ZNF83: variants seen among roughly 807,000 people sequenced by gnomAD.
The protein encoded by ZNF83 is zinc finger protein 816B.
For synonymous variants in ZNF83, 209 were observed against 213.0 expected (o/e 0.98, Z 0.17); for missense variants, 552 against 629.9 (o/e 0.88, Z 1.32).
rs551711670 is a variant in ZNF83, at chr19:52,687,616, G to A, written c.-283+2827C>T. Among the ~76,000 whole-genome samples, 81 of 15,806 alleles carry A rather than the reference G, an allele frequency of 5.1e-3. 19 individuals are homozygous for A. The highest frequency in any genetic ancestry group is 0.035 in the African/African-American group (76 of 2,184). The allele number at this position is 15,806 out of a possible 152,430, so 10.4% of individuals were successfully genotyped here. A position where few individuals can be genotyped will look rare whatever the true frequency, so the allele number is the denominator to read the frequency against. The stretch of plus-strand genomic sequence containing the variant: ...TATATAATGTATATATATATAATGT[G>A]TATATATATATATAATGTATATATA... On this transcript the variant is annotated intron_variant, in intron 1 of 5. Coordinates refer to the ZNF83 transcript ENST00000594682.
intron 1 of ZNF83, among the ~76,000 whole-genome samples, chr19:52,675,395 G>T (rs2061785317): frequency 6.6e-6 from 1 of 152,190 alleles, no homozygotes; most frequent in East Asian, 1.9e-4. Flanking sequence ...AGAACAGAAA[G>T]AAATATATCA....
chr19:52,654,675 T>C (rs1201986593), intron 3 of ZNF83, among the ~76,000 whole-genome samples: 1 of 152,032 alleles, frequency 6.6e-6, no homozygotes, highest in East Asian at 1.9e-4. Flanking sequence ...AGAGATCACA[T>C]CATTGCACTC....
intron 2 of ZNF83, among the ~76,000 whole-genome samples, chr19:52,621,453 T>G (rs2060541311): frequency 7.5e-6 from 1 of 133,394 alleles, no homozygotes; most frequent in African/African-American, 2.7e-5. Flanking sequence ...CTTCCCTTGG[T>G]GTTTAATCAC....
exon 3 of ZNF83, chr19:52,614,353 T>C (rs1414385514): frequency 6.2e-6 from 10 of 1,612,692 alleles, no homozygotes; most frequent in Middle Eastern, 1.6e-4. Flanking sequence ...ATTACATTCA[T>C]ATGTATGAGA....
At chr19:52,637,806 T>C (rs2061200832) in intron 1 of ZNF83, among the ~76,000 whole-genome samples, 1 of 151,382 alleles carries the variant, frequency 6.6e-6, no homozygotes, top group African/African-American at 2.4e-5. Flanking sequence ...GGGGAAGAGG[T>C]GACTGTGGAG....
rs138168869 is a variant in ZNF83 at position 52,673,955 on chromosome 19, G to A, written c.-282-13112C>T. ...TGGTTGAAGCTGAGAGGTGGAGGCCGCAGTGAGTCGAGATCATGCCACTGC... is the reference window on the plus strand; with the variant it reads ...TGGTTGAAGCTGAGAGGTGGAGGCCACAGTGAGTCGAGATCATGCCACTGC... On this transcript the variant is annotated intron_variant, in intron 1 of 5. Transcript: ENST00000594682. Among the ~76,000 whole-genome samples, 565 of 141,780 alleles carry A rather than the reference G, an allele frequency of 4.0e-3. 1 individual carries two copies. Among genetic ancestry groups the A allele is most frequent in the African/African-American group, 0.013 (504 of 37,806 alleles). 93.0% of individuals were successfully genotyped at this position (141,780 alleles called of 152,430 possible).
intron 2 of ZNF83, among the ~76,000 whole-genome samples, chr19:52,657,204 C>T (rs2061518098): frequency 6.6e-6 from 1 of 152,108 alleles, no homozygotes; most frequent in African/African-American, 2.4e-5. Flanking sequence ...ATGAGAAGGT[C>T]AGCCAACATA....
Position 52,676,115 on chromosome 19 carries a change from C to T in ZNF83, c.-283+14328G>A, listed in dbSNP as rs1029759602. Reference sequence around the variant, plus strand: ...CCTGCCTCAGCCTGCTGAGTGCCTGCAATTGCAGGCGCGCGCCGCCACGCC... The same window carrying T: ...CCTGCCTCAGCCTGCTGAGTGCCTGTAATTGCAGGCGCGCGCCGCCACGCC... On this transcript the variant is annotated intron_variant, in intron 1 of 5. Coordinates refer to the ZNF83 transcript ENST00000594682. Among the ~76,000 whole-genome samples, 10 of 152,288 alleles carry T rather than the reference C, an allele frequency of 6.6e-5. No individual in the cohort carries two copies. The East Asian group carries it at 1.4e-3, about 21-fold the overall frequency.
chr19:52,638,631 A>C (rs2147213233), upstream of ZNF83, among the ~76,000 whole-genome samples: 1 of 152,376 alleles, frequency 6.6e-6, no homozygotes, highest in African/African-American at 2.4e-5. Context: ...TAGAATGTGA[A>C]ATGCAAAGCC....
intron 2 of ZNF83, among the ~76,000 whole-genome samples, chr19:52,618,310 A>T (rs1243990251): frequency 6.6e-6 from 1 of 151,142 alleles, no homozygotes; most frequent in African/African-American, 2.4e-5. Context: ...CCCAGGCTAG[A>T]GTGCAGTGGC....
rs1232838726 is a variant in ZNF83, at chr19:52,655,663, C to T, written c.-176G>A. ...CACTCCTCCAAAGAGAATTCTATAG[C>T]CACATCCCTGAAAGTCAAGCATCCC... is the stretch of plus-strand genomic sequence containing the variant. On this transcript the variant is annotated 5_prime_UTR_variant, in exon 3 of 6. Transcript: ENST00000594682. 4 of 1,302,772 alleles carry T rather than the reference C, an allele frequency of 3.1e-6. No individual in the cohort carries two copies. In the South Asian group the frequency reaches 4.8e-5, roughly 16 times the overall value. 80.7% of individuals were successfully genotyped at this position (1,302,772 alleles called of 1,614,324 possible). A position where few individuals can be genotyped will look rare whatever the true frequency, so the allele number is the denominator to read the frequency against.
At chr19:52,659,275 C>T (rs796534612) in intron 2 of ZNF83, among the ~76,000 whole-genome samples, 3 of 152,078 alleles carry the variant, frequency 2.0e-5, no homozygotes, top group South Asian at 2.1e-4. Context: ...ACGCGACCCC[C>T]GAAAACAAAG....
chr19:52,642,667 C>CTTTG (rs2061323732), upstream of ZNF83, among the ~76,000 whole-genome samples: 1 of 152,110 alleles, frequency 6.6e-6, no homozygotes, highest in Non-Finnish European at 1.5e-5. Context: ...AGACATAAGG[C>CTTTG]TTTGACACAC....
intron 3 of ZNF83, among the ~76,000 whole-genome samples, chr19:52,644,670 T>C (rs988119954): frequency 7.2e-5 from 11 of 151,910 alleles, no homozygotes; most frequent in Non-Finnish European, 1.5e-4. Context: ...TTGAAAACAG[T>C]GAAAGAAGGT....
intron 2 of ZNF83, among the ~76,000 whole-genome samples, chr19:52,615,902 G>A (rs1434206001): frequency 2.6e-5 from 4 of 152,104 alleles, no homozygotes; most frequent in African/African-American, 7.2e-5. Flanking sequence ...GCAATGGCAC[G>A]ACCTCGGCTC....
At chr19:52,686,308 G>A (rs1435139384) in intron 1 of ZNF83, among the ~76,000 whole-genome samples, 3 of 151,872 alleles carry the variant, frequency 2.0e-5, no homozygotes, top group South Asian at 4.2e-4. Flanking sequence ...TGAGGTCAAC[G>A]GGAACTTAAC....
chr19:52,615,287 A>G (rs2060265282), intron 2 of ZNF83, among the ~76,000 whole-genome samples: 1 of 152,204 alleles, frequency 6.6e-6, no homozygotes, highest in African/African-American at 2.4e-5. Context: ...AAAAGATCCT[A>G]TTCCCCAATA....
chr19:52,686,377 C>G (rs2003964), intron 1 of ZNF83, among the ~76,000 whole-genome samples: 105,670 of 151,162 alleles, frequency 0.7, 38,301 homozygotes, highest in African/African-American at 0.91. Flanking sequence ...TGCCACAAAG[C>G]CATCTTTCAG....
At chr19:52,685,933 A>G (rs1442773539) in intron 1 of ZNF83, among the ~76,000 whole-genome samples, 1 of 150,286 alleles carries the variant, frequency 6.7e-6, no homozygotes, top group Non-Finnish European at 1.5e-5. Context: ...AAAATACAGG[A>G]GTGCTTCTGG....
Sources: allele counts gnomAD v4.1 joint callset (sites outside exome capture counted in the v4.1 genomes callset), GRCh38; gene constraint gnomAD v4.1.1; transcripts MANE v1.5; gene names NCBI Gene and HGNC (gene_info 2026-07-23, HGNC 2026-07-21).